The following PUF60 variants were observed in gnomAD, a reference collection of about 807,000 sequenced individuals.
The protein encoded by PUF60 is poly(U)-binding-splicing factor PUF60.
A neutral mutation model predicts 61.8 loss-of-function variants in PUF60; 10 were observed. The ratio of observed to expected loss-of-function variants is 0.16; its 90% CI spans 0.10 to 0.27. The LOEUF (loss-of-function observed/expected upper bound fraction) is 0.27. Among genes scored for constraint, PUF60 ranks in the 10% least tolerant of loss-of-function variants. PUF60 has a pLI of 1.00. For missense variants in PUF60, 371 were observed against 754.0 expected (o/e 0.49, Z 5.95); for synonymous variants, 353 against 300.9 (o/e 1.17, Z -1.79).
chr8:143,821,731 G>C (rs757367386), intron 3 of PUF60, 45 bp from the exon 4 acceptor site: 2 of 1,545,680 alleles, frequency 1.3e-6, no homozygotes, highest in Admixed American at 3.9e-5. Context: ...CAGCCCATGG[G>C]AGACAGGCCT....
At chr8:143,825,314 C>T (rs1279214063) in intron 1 of PUF60, among the ~76,000 whole-genome samples, 1 of 152,184 alleles carries the variant, frequency 6.6e-6, no homozygotes, top group African/African-American at 2.4e-5. Context: ...GTCCCAGGTC[C>T]TTCAGCCTCC....
At chr8:143,828,448 C>G (rs1817892017) in intron 1 of PUF60, among the ~76,000 whole-genome samples, 1 of 152,256 alleles carries the variant, frequency 6.6e-6, no homozygotes, top group African/African-American at 2.4e-5. Context: ...CAGACTTCAT[C>G]GTGCATGTGT....
intron 4 of PUF60, 90 bp downstream of exon 4, chr8:143,821,507 C>A: frequency 8.3e-7 from 1 of 1,200,386 alleles, no homozygotes; most frequent in South Asian, 1.3e-5. Context: ...CTTGCGGGGA[C>A]GGCCGCAGGC....
chr8:143,816,351 C>G lies in PUF60; in HGVS notation c.*169G>C. ...AAGGACACACGCCCAGGATCGGTGA[C>G]AGGACCGACGGCAGACACACGGACG... On this transcript the variant is annotated 3_prime_UTR_variant, in exon 12 of 12. Transcript: ENST00000526683. The G allele has an allele frequency of 2.7e-6, 2 of 739,520 alleles. No individual in the cohort carries two copies. Among genetic ancestry groups the G allele is most frequent in the South Asian group, 3.8e-5 (2 of 52,732 alleles). The allele number at this position is 739,520 out of a possible 1,614,324, so 45.8% of individuals were successfully genotyped here.
At chr8:143,824,285 T>A in intron 2 of PUF60, 28 bp downstream of exon 2, 1 of 1,568,892 alleles carries the variant, frequency 6.4e-7, no homozygotes, top group African/African-American at 1.4e-5. Flanking sequence ...CGGGCGGGCC[T>A]GAGGGAGAGG....
In PUF60 at chr8:143,816,834, C is replaced by A. The variant is rs1358137959; in HGVS notation, c.1381-15G>T. 1 of 1,609,264 alleles carries A rather than the reference C, an allele frequency of 6.2e-7. No individual in the cohort carries two copies. The highest frequency in any genetic ancestry group is 1.1e-5 in the South Asian group (1 of 90,890). ...ATCACTGTAGACTGTGGGGCAGGGCCGAGGGGAAGACAGCTGAGCACTGCG... is the reference window on the plus strand; with the variant it reads ...ATCACTGTAGACTGTGGGGCAGGGCAGAGGGGAAGACAGCTGAGCACTGCG... On this transcript the variant is annotated splice_polypyrimidine_tract_variant and intron_variant, in intron 11 of 11. Transcript: ENST00000526683.
chr8:143,820,545 G>T, intron 5 of PUF60, 121 bp downstream of exon 5: 2 of 1,168,484 alleles, frequency 1.7e-6, no homozygotes, highest in Non-Finnish European at 1.3e-6. Context: ...TGCTGCGCTC[G>T]TCCAGAGCTG....
chr8:143,826,440 C>A (rs560504107), intron 1 of PUF60, among the ~76,000 whole-genome samples: 1 of 152,300 alleles, frequency 6.6e-6, no homozygotes, highest in African/African-American at 2.4e-5. Context: ...TGTGGCCAGA[C>A]GCAGTGGCTC....
Position 143,824,467 on chromosome 8 carries a change from CGAGCTAAGGGCT to C in PUF60, c.25-80_25-69del, listed in dbSNP as rs1247771589. On this transcript the variant is annotated intron_variant, in intron 1 of 11. Coordinates refer to ENST00000526683, the MANE Select transcript of PUF60 (RefSeq NM_078480.3). ...CCACCGCCCAGGCCTGCTCTCCTCC[CGAGCTAAGGGCT>C]GAGCTCCTCACGGATAAGCAAGGGA... The C allele has an allele frequency of 2.6e-6, 4 of 1,519,538 alleles. No individual in the cohort carries two copies. The African/African-American group carries it at 4.1e-5, about 16-fold the overall frequency. The allele number at this position is 1,519,538 out of a possible 1,614,324, so 94.1% of individuals were successfully genotyped here. A position where few individuals can be genotyped will look rare whatever the true frequency, so the allele number is the denominator to read the frequency against.
At chr8:143,822,144 T>C (rs1195836895) in intron 2 of PUF60, among the ~76,000 whole-genome samples, 2 of 151,886 alleles carry the variant, frequency 1.3e-5, no homozygotes, top group Non-Finnish European at 2.9e-5. Context: ...CGAGCAGTTG[T>C]GGGGCCCAGG....
intron 1 of PUF60, chr8:143,829,052 C>A: frequency 9.8e-7 from 1 of 1,018,798 alleles, no homozygotes; most frequent in South Asian, 4.5e-5. Flanking sequence ...AGGCCCCCGC[C>A]CCGCCCCGCC....
chr8:143,825,574 G>C (rs572025182), intron 1 of PUF60, among the ~76,000 whole-genome samples: 74 of 152,188 alleles, frequency 4.9e-4, no homozygotes, highest in African/African-American at 1.8e-3. Context: ...CCAGGCTAGA[G>C]TGCGGTGGTG....
intron 1 of PUF60, among the ~76,000 whole-genome samples, chr8:143,826,488 G>C (rs1187073353): frequency 6.6e-6 from 1 of 152,202 alleles, no homozygotes; most frequent in Admixed American, 6.5e-5. Flanking sequence ...GCCGAGGCAG[G>C]TGGATTGCTT....
In PUF60 at chr8:143,821,572, G is replaced by A. The variant is rs996130568; in HGVS notation, c.297+25C>T. 2.4e-5 allele frequency: 37 copies of A among 1,529,644 alleles called. 1 individual carries two copies. Among genetic ancestry groups the A allele is most frequent in the South Asian group, 9.5e-5 (8 of 83,798 alleles). 94.8% of individuals were successfully genotyped at this position (1,529,644 alleles called of 1,614,324 possible). On this transcript the variant is annotated intron_variant, in intron 4 of 11. Coordinates refer to ENST00000526683, the MANE Select transcript of PUF60 (RefSeq NM_078480.3). ...AGATGGTGGCTGTGGTGGGGAGGGC[G>A]GTAGAGGCTCCGGCCGGGGCTCACC...
chr8:143,816,408 G>C lies in PUF60; in HGVS notation c.*112C>G. On this transcript the variant is annotated 3_prime_UTR_variant, in exon 12 of 12. Coordinates refer to ENST00000526683, the MANE Select transcript of PUF60 (RefSeq NM_078480.3). The stretch of plus-strand genomic sequence containing the variant: ...GCCAGCAGCATCCGCACCTTTATCC[G>C]CACTGTAGGCTGGGCTGGGCAGAGC... 1 of 1,239,596 alleles carries C rather than the reference G, an allele frequency of 8.1e-7. No homozygotes were observed. The highest frequency in any genetic ancestry group is 1.5e-5 in the South Asian group (1 of 66,622). The allele number at this position is 1,239,596 out of a possible 1,614,324, so 76.8% of individuals were successfully genotyped here. A position where few individuals can be genotyped will look rare whatever the true frequency, so the allele number is the denominator to read the frequency against.
chr8:143,829,027 C>T (rs758955462), intron 1 of PUF60: 143 of 1,000,414 alleles, frequency 1.4e-4, no homozygotes, highest in Non-Finnish European at 1.6e-4. Context: ...CCCGCAAGGG[C>T]CACACGCCGC....
intron 2 of PUF60, 29 bp downstream of exon 2, chr8:143,824,284 C>T (rs34077000): frequency 6.4e-7 from 1 of 1,565,946 alleles, no homozygotes; most frequent in South Asian, 1.2e-5. Flanking sequence ...GCGGGCGGGC[C>T]TGAGGGAGAG....
rs923489793 is a variant in PUF60 at position 143,817,214 on chromosome 8, G to A, written c.1145-69C>T. On this transcript the variant is annotated intron_variant, in intron 10 of 11. Transcript: ENST00000526683. The surrounding 1 kb of genome is among the most constrained non-coding windows in gnomAD (Gnocchi z 7.4). ...CCCCTTCCCAGAAAGGCACAGAGCTGGCCTGCCCTGGGCTCAGAGGGTTGT... is the reference window on the plus strand; with the variant it reads ...CCCCTTCCCAGAAAGGCACAGAGCTAGCCTGCCCTGGGCTCAGAGGGTTGT... 30 of 1,522,856 alleles carry A rather than the reference G, an allele frequency of 2.0e-5. No homozygotes were observed. The highest frequency in any genetic ancestry group is 1.7e-4 in the Middle Eastern group (1 of 5,724). 94.3% of individuals were successfully genotyped at this position (1,522,856 alleles called of 1,614,324 possible).
intron 1 of PUF60, 121 bp from the exon 2 acceptor site, chr8:143,824,520 C>A: frequency 1.0e-6 from 1 of 987,464 alleles, no homozygotes; most frequent in Non-Finnish European, 1.5e-6. Context: ...GGCAGGGAGG[C>A]ATTCCCGACA....
Sources: gnomAD v4.1 joint callset for allele counts (sites outside exome capture counted in the v4.1 genomes callset) on GRCh38, gnomAD v4.1.1 for gene constraint, Gnocchi (gnomAD v3.1) non-coding constraint, MANE v1.5 for transcripts, NCBI Gene and HGNC (gene_info 2026-07-23, HGNC 2026-07-21) for gene names.